The following FRMD6 variants were observed in gnomAD, a reference collection of about 807,000 sequenced individuals.
FRMD6 encodes the protein FERM domain containing 6, also known as FERM domain-containing protein 6.
FRMD6 carries 37 observed loss-of-function variants against 73.2 expected under a neutral mutation model. The observed-to-expected ratio is 0.51, with a 90% CI of 0.39 to 0.66. The LOEUF is 0.66. FRMD6 is among the 30% of genes least tolerant of loss of function. FRMD6 has a pLI of 0.00. For missense variants in FRMD6, 714 were observed against 780.5 expected, an observed-to-expected ratio of 0.91 and a Z score of 1.02; for synonymous variants, 273 against 282.2, an observed-to-expected ratio of 0.97 and a Z score of 0.33.
chr14:51,416,713 A>T, the FRMD6 span, among the ~76,000 whole-genome samples: 10 of 152,104 alleles, frequency 6.6e-5, no homozygotes, highest in Non-Finnish European at 1.5e-4. Context: ...ATCCTTGTTA[A>T]CCTTCTGTCT....
chr14:51,646,318 C>CAAAAAA (rs34495089), intron 2 of FRMD6, among the ~76,000 whole-genome samples: 2 of 69,262 alleles, frequency 2.9e-5, no homozygotes, highest in African/African-American at 6.0e-5. Context: ...ACTCCATATC[C>CAAAAAA]AAAAAAAAAA....
intron 2 of FRMD6, among the ~76,000 whole-genome samples, chr14:51,620,066 G>T (rs1890870422): frequency 6.6e-6 from 1 of 152,094 alleles, no homozygotes; most frequent in Non-Finnish European, 1.5e-5. Context: ...GTAAAATGAG[G>T]TGACTAAACT....
At chr14:51,615,386 A>G (rs184151553) in intron 2 of FRMD6, among the ~76,000 whole-genome samples, 1 of 152,314 alleles carries the variant, frequency 6.6e-6, no homozygotes, top group African/African-American at 2.4e-5. Context: ...AGATTCATGT[A>G]TTAGATTTGT....
At chr14:51,396,982 T>C in the FRMD6 span, 1 of 152,298 alleles carries the variant, frequency 6.6e-6, no homozygotes, top group African/African-American at 2.4e-5. Flanking sequence ...TCCCTTGCTA[T>C]AAGTGTTCTT....
At chr14:51,492,572 A>G (rs1883077300) in intron 1 of FRMD6, among the ~76,000 whole-genome samples, 1 of 152,192 alleles carries the variant, frequency 6.6e-6, no homozygotes, top group African/African-American at 2.4e-5. Context: ...TCAGTCAAGT[A>G]TCACCTTCTT....
At chr14:51,437,268 G>A in the FRMD6 span, among the ~76,000 whole-genome samples, 1 of 152,154 alleles carries the variant, frequency 6.6e-6, no homozygotes, top group Non-Finnish European at 1.5e-5. Flanking sequence ...AGTTTGCTGA[G>A]AATGACGGTT....
chr14:51,624,636 T>C (rs1891051956), intron 2 of FRMD6, among the ~76,000 whole-genome samples: 1 of 152,236 alleles, frequency 6.6e-6, no homozygotes. Context: ...TTTTATAAAA[T>C]GGCCTCTGTA....
the FRMD6 span, among the ~76,000 whole-genome samples, chr14:51,471,882 T>A: frequency 6.6e-6 from 1 of 152,222 alleles, no homozygotes; most frequent in African/African-American, 2.4e-5. Flanking sequence ...AAGAATATTT[T>A]CCCATTTTAT....
intron 2 of FRMD6, among the ~76,000 whole-genome samples, chr14:51,585,849 G>A (rs1888996976): frequency 6.7e-6 from 1 of 149,482 alleles, no homozygotes; most frequent in Non-Finnish European, 1.5e-5. Context: ...TTAGGATAAT[G>A]GCTTCTAGTT....
At chr14:51,505,593 C>T (rs1275008319) in intron 1 of FRMD6, among the ~76,000 whole-genome samples, 4 of 152,152 alleles carry the variant, frequency 2.6e-5, no homozygotes, top group Admixed American at 6.5e-5. Context: ...TATTCACAGT[C>T]CCAGATTCTC....
At chr14:51,424,550 C>T in the FRMD6 span, among the ~76,000 whole-genome samples, 1 of 152,202 alleles carries the variant, frequency 6.6e-6, no homozygotes, top group South Asian at 2.1e-4. Flanking sequence ...TTGTTAGCCT[C>T]CTGTGGATAC....
intron 9 of FRMD6, among the ~76,000 whole-genome samples, chr14:51,713,340 C>T (rs1264858277): frequency 2.0e-5 from 3 of 151,912 alleles, no homozygotes; most frequent in African/African-American, 4.8e-5. Flanking sequence ...CACCTGTAAT[C>T]CCAGCTACTC....
At chr14:51,398,302 C>T in the FRMD6 span, among the ~76,000 whole-genome samples, 15 of 152,250 alleles carry the variant, frequency 9.9e-5, no homozygotes, top group Middle Eastern at 3.4e-3. Context: ...CCACGATCCC[C>T]TCCCGTGAAC....
chr14:51,721,292 T>C (rs1366406825), intron 11 of FRMD6, among the ~76,000 whole-genome samples: 1 of 152,132 alleles, frequency 6.6e-6, no homozygotes, highest in Non-Finnish European at 1.5e-5. Flanking sequence ...TTAAAACACA[T>C]ATAGGTAATG....
intron 7 of FRMD6, among the ~76,000 whole-genome samples, chr14:51,709,575 A>T (rs1013978770): frequency 1.3e-5 from 2 of 152,168 alleles, no homozygotes; most frequent in Non-Finnish European, 2.9e-5. Context: ...TCTCTCTTCT[A>T]TGCCCAAGAG....
At chr14:51,516,203 T>C (rs1223585998) in intron 1 of FRMD6, among the ~76,000 whole-genome samples, 1 of 151,938 alleles carries the variant, frequency 6.6e-6, no homozygotes, top group African/African-American at 2.4e-5. Flanking sequence ...ACAGCTATTA[T>C]GCATCCCAAG....
At chr14:51,678,290 A>G (rs1894532034) in intron 1 of FRMD6, among the ~76,000 whole-genome samples, 1 of 152,190 alleles carries the variant, frequency 6.6e-6, no homozygotes, top group Non-Finnish European at 1.5e-5. Context: ...TATTTTTGGT[A>G]CTTGCAACTT....
intron 1 of FRMD6, among the ~76,000 whole-genome samples, chr14:51,570,151 A>C (rs1888054671): frequency 6.6e-6 from 1 of 151,988 alleles, no homozygotes; most frequent in African/African-American, 2.4e-5. Flanking sequence ...TTTTCTTTTT[A>C]ACTTGTCACA....
intron 13 of FRMD6, 56 bp from the exon 14 acceptor site, chr14:51,727,689 G>A (rs4433726): frequency 0.24 from 353,406 of 1,496,712 alleles, 44,338 homozygotes; most frequent in East Asian, 0.37. Flanking sequence ...CTCTTTACAA[G>A]GCAAATATTC....
Sources: gnomAD v4.1 joint callset for allele counts (sites outside exome capture counted in the v4.1 genomes callset) on GRCh38, gnomAD v4.1.1 for gene constraint, MANE v1.5 for transcripts, NCBI Gene and HGNC (gene_info 2026-07-23, HGNC 2026-07-21) for gene names.